Variants in ADCY10 observed in about 807,000 individuals in gnomAD.
The protein encoded by ADCY10 is adenylate cyclase 10.
A neutral mutation model predicts 183.3 loss-of-function variants in ADCY10; 156 were observed. The observed-to-expected ratio is 0.85, with a 90% confidence interval of 0.75 to 0.97. The LOEUF (loss-of-function observed/expected upper bound fraction) is 0.97. ADCY10 is among the 50% of genes least tolerant of loss of function. ADCY10 has a pLI of 0.00. For synonymous variants in ADCY10, 645 were observed against 670.0 expected, an observed-to-expected ratio of 0.96 and a Z score of 0.58; for missense variants, 1,745 against 1,934.3, an observed-to-expected ratio of 0.90 and a Z score of 1.84.
Position 167,848,392 on chromosome 1 carries a change from C to T in ADCY10, c.2406G>A (p.Leu802=), listed in dbSNP as rs201086008. The change falls in exon 19 of 33, where the codon CTG becomes CTA. Residue 802 remains leucine, a synonymous_variant. Coordinates refer to ENST00000367851, the MANE Select transcript of ADCY10 (RefSeq NM_018417.6). Reference sequence around the variant, plus strand: ...ATGACGTTGGAGGTGACAGGTTTTTCAGTCTGACACCACTTGTGAGGTGAC... The same window carrying T: ...ATGACGTTGGAGGTGACAGGTTTTTTAGTCTGACACCACTTGTGAGGTGAC... ...EVCHLTSGVR[L]KNLSPPTSLK... 5.6e-5 allele frequency: 90 copies of T among 1,613,986 alleles called. 1 individual carries two copies. In the African/African-American group the frequency reaches 1.0e-3, roughly 18 times the overall value.
In ADCY10 at chr1:167,842,924, A is replaced by G. The variant is rs369685945; in HGVS notation, c.3007+2639T>C. 2.2e-4 allele frequency among the ~76,000 whole-genome samples: 33 copies of G among 152,298 alleles called. No individual in the cohort carries two copies. The East Asian group carries it at 3.3e-3, about 15-fold the overall frequency. ...GCTAAATTAAAAATGTTTGCCCCTG[A>G]CTGGAATTACTGAAGGTGTGTGGGA... On this transcript the variant is annotated intron_variant, in intron 21 of 32. Transcript: ENST00000367851.
chr1:167,874,956 G>A (rs1191596987), intron 13 of ADCY10, among the ~76,000 whole-genome samples, 175 bp downstream of exon 13: 2 of 152,154 alleles, frequency 1.3e-5, no homozygotes, highest in African/African-American at 4.8e-5. Context: ...TTGGGGAAAG[G>A]AAGAAGGAAA....
At chr1:167,889,141 C>A (rs1668436050) in intron 8 of ADCY10, among the ~76,000 whole-genome samples, 3 of 152,088 alleles carry the variant, frequency 2.0e-5, no homozygotes, top group Admixed American at 2.0e-4. Flanking sequence ...AAGTGGGCAT[C>A]CTTGTGTTCT....
intron 31 of ADCY10, among the ~76,000 whole-genome samples, chr1:167,814,742 A>G (rs1290024048): frequency 6.6e-6 from 1 of 152,214 alleles, no homozygotes; most frequent in Non-Finnish European, 1.5e-5. Context: ...ACATGGATAC[A>G]CAACATTAGA....
At chr1:167,888,869 C>T (rs1279845972) in intron 8 of ADCY10, among the ~76,000 whole-genome samples, 1 of 115,244 alleles carries the variant, frequency 8.7e-6, no homozygotes, top group East Asian at 2.3e-4. Context: ...GAGGGAGACT[C>T]CGTCTCAAAA....
At chr1:167,846,318 G>T in intron 19 of ADCY10, 55 bp from the exon 20 acceptor site, 1 of 1,600,746 alleles carries the variant, frequency 6.2e-7, no homozygotes, top group Non-Finnish European at 8.6e-7. Flanking sequence ...TATCTAATAT[G>T]CTGTATTTAA....
chr1:167,826,754 A>G (rs935862810), intron 26 of ADCY10, among the ~76,000 whole-genome samples: 1 of 152,244 alleles, frequency 6.6e-6, no homozygotes, highest in Admixed American at 6.5e-5. Flanking sequence ...GGAGCAAACA[A>G]GAAATTGTCA....
At position 167,875,716 on chromosome 1, in the gene ADCY10, C is replaced by T. The variant is rs535722910; in HGVS notation, c.1407-530G>A. ...CTGTAATCCCAGCCCTTTGGGAGGC[C>T]GAGGTGGGCAGATCACGAGGTCAGG... On this transcript the variant is annotated intron_variant, in intron 12 of 32. Coordinates refer to ENST00000367851, the MANE Select transcript of ADCY10 (RefSeq NM_018417.6). 8.5e-5 allele frequency among the ~76,000 whole-genome samples: 13 copies of T among 152,252 alleles called. No homozygotes were observed. The South Asian group carries it at 1.9e-3, about 22-fold the overall frequency.
At chr1:167,855,049 G>A (rs577118272) in intron 17 of ADCY10, among the ~76,000 whole-genome samples, 39 of 152,258 alleles carry the variant, frequency 2.6e-4, no homozygotes, top group Admixed American at 2.3e-3. Flanking sequence ...AGCCAGGCTC[G>A]GTGGCTCACG....
At chr1:167,904,646 T>G in intron 2 of ADCY10, 1 of 560,616 alleles carries the variant, frequency 1.8e-6, no homozygotes, top group Non-Finnish European at 3.2e-6. Flanking sequence ...GATGTAAACA[T>G]CATCTAGGGA....
intron 3 of ADCY10, 24 bp downstream of exon 3, chr1:167,903,863 C>A (rs761439640): frequency 1.3e-6 from 2 of 1,541,174 alleles, no homozygotes; most frequent in Non-Finnish European, 1.8e-6. Flanking sequence ...TATTCTCAAG[C>A]CAGAAACCTA....
intron 18 of ADCY10, among the ~76,000 whole-genome samples, chr1:167,852,471 C>T (rs203800): frequency 0.25 from 37,426 of 151,820 alleles, 5,797 homozygotes; most frequent in African/African-American, 0.44. Context: ...ACGGATACTA[C>T]ATAAACATTT....
intron 25 of ADCY10, among the ~76,000 whole-genome samples, chr1:167,831,221 G>A (rs1005880764): frequency 1.3e-5 from 2 of 151,638 alleles, no homozygotes; most frequent in Admixed American, 6.6e-5. Flanking sequence ...ACGGAGTCTC[G>A]CTTTATCGCC....
chr1:167,901,841 C>A, intron 4 of ADCY10, 36 bp from the exon 5 acceptor site: 1 of 1,614,138 alleles, frequency 6.2e-7, no homozygotes, highest in African/African-American at 1.3e-5. Context: ...TTTTGACCTG[C>A]CCTGGGGATC....
At position 167,845,790 on chromosome 1, in the gene ADCY10, C is replaced by A. The variant is rs1180197105; in HGVS notation, c.2780G>T (p.Arg927Leu). ...ENEVIECHRI[R>L]FCNPMMQKTA... Reference sequence around the variant, plus strand: ...TTTCTGCATCATAGGGTTACAGAATCGAATCCTGTGGCACTCGATCACCTC... The same window carrying A: ...TTTCTGCATCATAGGGTTACAGAATAGAATCCTGTGGCACTCGATCACCTC... The change falls in exon 21 of 33, where the codon CGA (arginine) becomes CTA (leucine). Residue 927 changes from arginine to leucine, a missense_variant. Coordinates refer to ENST00000367851, the MANE Select transcript of ADCY10 (RefSeq NM_018417.6). The A allele has an allele frequency of 1.2e-6, 2 of 1,614,170 alleles. No individual in the cohort carries two copies. Among genetic ancestry groups the A allele is most frequent in the South Asian group, 1.1e-5 (1 of 91,070 alleles).
At chr1:167,860,796 G>C in intron 15 of ADCY10, 75 bp downstream of exon 15, 1 of 1,266,734 alleles carries the variant, frequency 7.9e-7, no homozygotes, top group Non-Finnish European at 1.2e-6. Context: ...GAGATGCTAA[G>C]TCACAATGCA....
chr1:167,841,495 T>C (rs767048214), intron 21 of ADCY10, among the ~76,000 whole-genome samples: 1 of 132,076 alleles, frequency 7.6e-6, no homozygotes, highest in Non-Finnish European at 1.6e-5. Context: ...TTATACTATA[T>C]GCTTTCCTTT....
chr1:167,873,955 C>T (rs553933983), intron 13 of ADCY10, among the ~76,000 whole-genome samples: 3 of 152,272 alleles, frequency 2.0e-5, no homozygotes, highest in African/African-American at 7.2e-5. Flanking sequence ...AAGGACCCAT[C>T]TCTAGAATGT....
chr1:167,876,094 T>C (rs1359214556), intron 12 of ADCY10, among the ~76,000 whole-genome samples: 2 of 151,740 alleles, frequency 1.3e-5, no homozygotes, highest in Non-Finnish European at 2.9e-5. Flanking sequence ...CTGTCTCTAC[T>C]AAAAATACAA....
Sources: allele counts gnomAD v4.1 joint callset (sites outside exome capture counted in the v4.1 genomes callset), GRCh38; gene constraint gnomAD v4.1.1; transcripts MANE v1.5; gene names NCBI Gene and HGNC (gene_info 2026-07-23, HGNC 2026-07-21).